Variants in SLIT1 observed in about 807,000 individuals in gnomAD.
The protein encoded by SLIT1 is slit homolog 1 protein.
A neutral mutation model predicts 186.1 loss-of-function variants in SLIT1; 66 were observed. The ratio of observed to expected loss-of-function variants is 0.35; its 90% CI spans 0.29 to 0.44. The LOEUF (loss-of-function observed/expected upper bound fraction) is 0.44. Ranked by LOEUF, SLIT1 falls within the 20% of genes least tolerant of loss-of-function variation. SLIT1 has a pLI of 1.00. For synonymous variants in SLIT1, 761 were observed against 833.8 expected (o/e 0.91, Z 1.50); for missense variants, 1,638 against 2,037.4 (o/e 0.80, Z 3.77).
At chr10:97,098,895 G>A (rs1265449552) in intron 4 of SLIT1, among the ~76,000 whole-genome samples, 1 of 152,170 alleles carries the variant, frequency 6.6e-6, no homozygotes, top group East Asian at 1.9e-4. Context: ...GCTGTCAGTA[G>A]GAACTCTGGA....
intron 4 of SLIT1, among the ~76,000 whole-genome samples, chr10:97,092,775 C>T (rs531087385): frequency 6.6e-6 from 1 of 152,330 alleles, no homozygotes; most frequent in East Asian, 1.9e-4. Flanking sequence ...CCTATAAAAT[C>T]CATGCCAAGG....
chr10:97,128,927 A>C (rs981299531), intron 4 of SLIT1, among the ~76,000 whole-genome samples: 36 of 40,674 alleles, frequency 8.9e-4, no homozygotes, highest in Admixed American at 3.4e-3. Flanking sequence ...AAACTAAGAC[A>C]AAAAAAAATC....
In SLIT1 at chr10:97,013,937, C is replaced by A. The variant is rs1432510309; in HGVS notation, c.3109+82G>T. On this transcript the variant is annotated intron_variant, in intron 29 of 36. Coordinates refer to ENST00000266058, the MANE Select transcript of SLIT1 (RefSeq NM_003061.3). Reference sequence around the variant, plus strand: ...CTCCTGCAGACACTGAGGCAGGGATCCCCTTCCACTCCCGAGCATGGGGGC... The same window carrying A: ...CTCCTGCAGACACTGAGGCAGGGATACCCTTCCACTCCCGAGCATGGGGGC... 7.6e-6 allele frequency: 12 copies of A among 1,569,380 alleles called. No individual in the cohort carries two copies. In the South Asian group the frequency reaches 1.3e-4, roughly 17 times the overall value.
intron 20 of SLIT1, 52 bp downstream of exon 20, chr10:97,042,849 C>T: frequency 6.3e-7 from 1 of 1,586,396 alleles, no homozygotes; most frequent in Non-Finnish European, 8.6e-7. Context: ...CCCCACCCCA[C>T]TGGTTGGACC....
In SLIT1 at chr10:97,185,700, G is replaced by T; in HGVS notation, c.-26C>A. ...GGTGCCCTCACAGCGTCCCGCTCGCGAGCCAGACGGCAGCAGCCGCTGACC... is the reference window on the plus strand; with the variant it reads ...GGTGCCCTCACAGCGTCCCGCTCGCTAGCCAGACGGCAGCAGCCGCTGACC... On this transcript the variant is annotated 5_prime_UTR_variant, in exon 1 of 37. Coordinates refer to ENST00000266058, the MANE Select transcript of SLIT1 (RefSeq NM_003061.3). The T allele has an allele frequency of 6.8e-7, 1 of 1,469,178 alleles. No homozygotes were observed. The highest frequency in any genetic ancestry group is 1.3e-5 in the South Asian group (1 of 74,136). The allele number at this position is 1,469,178 out of a possible 1,614,324, so 91.0% of individuals were successfully genotyped here. A position where few individuals can be genotyped will look rare whatever the true frequency, so the allele number is the denominator to read the frequency against.
chr10:97,006,362 G>C lies in SLIT1; in HGVS notation c.3579+121C>G, dbSNP rs1848359324. Reference sequence around the variant, plus strand: ...TTGATACCCATATGCAAAACGTTTTGATTACACAGAGTCCTTCCAGTTCCC... The same window carrying C: ...TTGATACCCATATGCAAAACGTTTTCATTACACAGAGTCCTTCCAGTTCCC... On this transcript the variant is annotated intron_variant, in intron 32 of 36. Coordinates refer to ENST00000266058, the MANE Select transcript of SLIT1 (RefSeq NM_003061.3). This position sits in a 1 kb window ranked among gnomAD's most constrained non-coding sequence, Gnocchi z 4.0. 4 of 677,946 alleles carry C rather than the reference G, an allele frequency of 5.9e-6. No homozygotes were observed. Among genetic ancestry groups the C allele is most frequent in the Non-Finnish European group, 1.0e-5 (4 of 384,758 alleles). The allele number at this position is 677,946 out of a possible 1,614,324, so 42.0% of individuals were successfully genotyped here.
chr10:97,003,681 A>G (rs968428497), intron 34 of SLIT1, among the ~76,000 whole-genome samples: 3 of 152,194 alleles, frequency 2.0e-5, no homozygotes, highest in African/African-American at 7.2e-5. Flanking sequence ...TGGTTGATAC[A>G]GGGACTCTGT....
chr10:97,087,200 C>G (rs933527178), intron 4 of SLIT1, among the ~76,000 whole-genome samples: 2 of 151,886 alleles, frequency 1.3e-5, no homozygotes, highest in African/African-American at 4.8e-5. Flanking sequence ...GCCCCACACA[C>G]AGCTGTCATT....
intron 4 of SLIT1, among the ~76,000 whole-genome samples, chr10:97,139,564 ACAC>A (rs1490970911): frequency 6.6e-6 from 1 of 152,208 alleles, no homozygotes; most frequent in Non-Finnish European, 1.5e-5. Flanking sequence ...GTCAACAAGC[ACAC>A]TATCCTGAAC....
At chr10:97,090,527 G>A (rs757752126) in intron 4 of SLIT1, among the ~76,000 whole-genome samples, 5 of 152,188 alleles carry the variant, frequency 3.3e-5, no homozygotes, top group Non-Finnish European at 7.3e-5. Flanking sequence ...ATTAGCAGGA[G>A]AGCAGCAGGG....
At chr10:97,165,210 A>G (rs1192390111) in intron 1 of SLIT1, among the ~76,000 whole-genome samples, 1 of 152,214 alleles carries the variant, frequency 6.6e-6, no homozygotes, top group East Asian at 1.9e-4. Context: ...TCCGGAAACT[A>G]GTCAAGAAGA....
intron 5 of SLIT1, 50 bp from the exon 6 acceptor site, chr10:97,064,926 A>G: frequency 6.8e-7 from 1 of 1,467,654 alleles, no homozygotes; most frequent in Non-Finnish European, 9.4e-7. Context: ...GCCTAGAGTA[A>G]GGGTGTCCAA....
chr10:97,084,386 G>C (rs1023501733), intron 4 of SLIT1, among the ~76,000 whole-genome samples: 2 of 152,170 alleles, frequency 1.3e-5, no homozygotes, highest in African/African-American at 4.8e-5. Context: ...CCACAGAGCT[G>C]TTGCAATATC....
At position 97,048,969 on chromosome 10, in the gene SLIT1, T is replaced by G. The variant is rs1848762907; in HGVS notation, c.1451A>C (p.Lys484Thr). The stretch of plus-strand genomic sequence containing the variant: ...CGGGCAGGTACCTGAGCACCGGAAC[T>G]TCTTGCTCTTGATCTGCCCGATGCG... ...NKRIGQIKSKKFRCSAKEQYF... is the reference protein window; with the variant it reads ...NKRIGQIKSKTFRCSAKEQYF... The change falls in exon 14 of 37, where the codon AAG (lysine) becomes ACG (threonine). Residue 484 changes from lysine (K) to threonine (T), a missense_variant. Around this residue, in one of 3 missense-constraint regions of SLIT1, gnomAD observed 1,245 missense variants for 1,535.3 expected, o/e 0.81. Coordinates refer to ENST00000266058, the MANE Select transcript of SLIT1 (RefSeq NM_003061.3). 2.5e-6 allele frequency: 4 copies of G among 1,608,476 alleles called. No individual in the cohort carries two copies. In the South Asian group the frequency reaches 4.4e-5, roughly 18 times the overall value.
At chr10:97,060,249 T>A in intron 9 of SLIT1, 91 bp from the exon 10 acceptor site, 1 of 1,074,682 alleles carries the variant, frequency 9.3e-7, no homozygotes, top group Admixed American at 1.8e-5. Flanking sequence ...TGAATAATCC[T>A]TTGGCCCCTC....
At chr10:97,057,177 G>T (rs1190183294) in intron 12 of SLIT1, 33 bp downstream of exon 12, 1 of 1,587,720 alleles carries the variant, frequency 6.3e-7, no homozygotes. Flanking sequence ...CCTTCCCTGG[G>T]TCCCACCCAA....
chr10:97,047,534 T>C (rs1305072726), intron 16 of SLIT1, among the ~76,000 whole-genome samples, 156 bp downstream of exon 16: 1 of 152,148 alleles, frequency 6.6e-6, no homozygotes, highest in Non-Finnish European at 1.5e-5. Context: ...GGGGTGGGGT[T>C]TCTTCCTGCC....
rs201384867 is a variant in SLIT1 at position 97,001,104 on chromosome 10, G to A, written c.*8C>T. On this transcript the variant is annotated 3_prime_UTR_variant, in exon 37 of 37. Transcript: ENST00000266058. ...TGCCCGCCCTCACCGGCCTGTCCACGCCCAGCGCTATGCGCAGAGGGCACA... is the reference window on the plus strand; with the variant it reads ...TGCCCGCCCTCACCGGCCTGTCCACACCCAGCGCTATGCGCAGAGGGCACA... 2.5e-5 allele frequency: 41 copies of A among 1,610,094 alleles called. 1 individual carries two copies. Among genetic ancestry groups the A allele is most frequent in the African/African-American group, 2.3e-4 (17 of 75,004 alleles).
Position 97,102,435 on chromosome 10 carries a change from AAAAG to A in SLIT1, c.414-36353_414-36350del, listed in dbSNP as rs796520610. ...GTAAGACTCCGTCAAAAAAAAAAAA[AAAAG>A]AAAGAAAGAAAGAAAAAAGAAAAAA... On this transcript the variant is annotated intron_variant, in intron 4 of 36. Transcript: ENST00000266058. The A allele has an allele frequency of 6.5e-3, 914 of 141,702 alleles. 78 individuals carry two copies. Among genetic ancestry groups the A allele is most frequent in the South Asian group, 0.043 (191 of 4,482 alleles). 8.8% of individuals were successfully genotyped at this position (141,702 alleles called of 1,614,324 possible).
Sources: allele counts gnomAD v4.1 joint callset (sites outside exome capture counted in the v4.1 genomes callset), GRCh38; gene constraint gnomAD v4.1.1; regional missense constraint gnomAD v4.1.1; non-coding constraint Gnocchi (gnomAD v3.1); transcripts MANE v1.5; gene names NCBI Gene and HGNC (gene_info 2026-07-23, HGNC 2026-07-21).